DMD: variants seen among roughly 807,000 people sequenced by gnomAD.
DMD encodes mutant dystrophin.
A neutral mutation model predicts 330.1 loss-of-function variants in DMD; 63 were observed. The ratio of observed to expected loss-of-function variants is 0.19; its 90% CI spans 0.16 to 0.24. The LOEUF (loss-of-function observed/expected upper bound fraction) is 0.24. Among genes scored for constraint, DMD ranks in the 10% least tolerant of loss-of-function variants. The pLI, the probability that DMD is intolerant of heterozygous loss-of-function variation, is 1.00. For synonymous variants in DMD, 1,223 were observed against 959.8 expected (o/e 1.27, Z -5.07); for missense variants, 3,344 against 2,684.1 (o/e 1.25, Z -5.43).
chrX:31,549,038 C>A (rs143580983), intron 55 of DMD, among the ~76,000 whole-genome samples: 2,172 of 110,386 alleles, frequency 0.02, 64 homozygotes, highest in African/African-American at 0.068. Context: ...AAAATAATTT[C>A]TGGTAACATT....
At chrX:31,610,059 T>C (rs1036586767) in intron 55 of DMD, among the ~76,000 whole-genome samples, 1 of 110,001 alleles carries the variant, frequency 9.1e-6, no homozygotes, top group Non-Finnish European at 1.9e-5. Context: ...CTCCCTCTCC[T>C]TCCCATTCTC....
At position 31,266,159 on chromosome X, in the gene DMD, C is replaced by CAAAAA. The variant is rs1174153877; in HGVS notation, c.9225-5148_9225-5144dup. 3.0e-4 allele frequency among the ~76,000 whole-genome samples: 4 copies of CAAAAA among 13,325 alleles called. 1 individual carries two copies. The highest frequency in any genetic ancestry group is 1.5e-3 in the African/African-American group (4 of 2,692). The allele number at this position is 13,325 out of a possible 115,157, so 11.6% of individuals were successfully genotyped here. A position where few individuals can be genotyped will look rare whatever the true frequency, so the allele number is the denominator to read the frequency against. ...TGACTCCACACCCAATCCCGAAGGGCAAAAAAAAAAAAAAAAAAAAAAAAG... is the reference window on the plus strand; with the variant it reads ...TGACTCCACACCCAATCCCGAAGGGCAAAAAAAAAAAAAAAAAAAAAAAAAAAAAG... On this transcript the variant is annotated intron_variant, in intron 62 of 78. Transcript: ENST00000357033.
intron 65 of DMD, among the ~76,000 whole-genome samples, chrX:31,207,558 A>G (rs955565236): frequency 5.3e-5 from 6 of 112,305 alleles, no homozygotes; most frequent in Admixed American, 4.7e-4. Context: ...ATAAAAAAGA[A>G]TGAGATCATG....
At chrX:32,275,000 G>A (rs1383313613) in intron 43 of DMD, among the ~76,000 whole-genome samples, 1 of 111,434 alleles carries the variant, frequency 9.0e-6, no homozygotes, top group Non-Finnish European at 1.9e-5. Context: ...TTGCTGGGTG[G>A]AAACAAAATC....
chrX:31,340,120 T>C (rs2057645305), intron 61 of DMD, among the ~76,000 whole-genome samples: 1 of 112,415 alleles, frequency 8.9e-6, no homozygotes, highest in Non-Finnish European at 1.9e-5. Flanking sequence ...AGGCCCTATG[T>C]ATCAAGGAGA....
chrX:32,288,675 C>T (rs760993592), intron 42 of DMD, among the ~76,000 whole-genome samples: 7 of 111,827 alleles, frequency 6.3e-5, no homozygotes, highest in Non-Finnish European at 1.3e-4. Flanking sequence ...TTTCAAAAGC[C>T]TACATGAAAA....
intron 2 of DMD, among the ~76,000 whole-genome samples, chrX:32,914,089 T>C (rs1379753086): frequency 8.9e-6 from 1 of 111,767 alleles, no homozygotes; most frequent in Admixed American, 9.6e-5. Context: ...AGACAAACTG[T>C]GACAAATTAC....
At chrX:31,626,284 C>T (rs940835012) in intron 55 of DMD, among the ~76,000 whole-genome samples, 5 of 111,443 alleles carry the variant, frequency 4.5e-5, no homozygotes, top group Admixed American at 9.6e-5. Flanking sequence ...CGCATCTGGC[C>T]GGGAAACCCA....
intron 16 of DMD, among the ~76,000 whole-genome samples, chrX:32,561,542 C>T: frequency 9.0e-6 from 1 of 111,519 alleles, no homozygotes; most frequent in East Asian, 2.8e-4. Flanking sequence ...TTTGGGGAAC[C>T]TGAAAGAGAC....
chrX:31,464,912 T>G (rs1375906172), intron 59 of DMD, among the ~76,000 whole-genome samples: 1 of 112,518 alleles, frequency 8.9e-6, no homozygotes, highest in Non-Finnish European at 1.9e-5. Flanking sequence ...CTGAAACAAT[T>G]ACTCCGCTCT....
At chrX:31,681,564 C>T (rs768888234) in intron 52 of DMD, among the ~76,000 whole-genome samples, 48 of 112,309 alleles carry the variant, frequency 4.3e-4, no homozygotes, top group Middle Eastern at 4.6e-3. Context: ...CCTTCTAGGG[C>T]TCTTGGGTGC....
At chrX:33,239,834 A>G (rs1340440647) in intron 1 of DMD, among the ~76,000 whole-genome samples, 1 of 111,713 alleles carries the variant, frequency 9.0e-6, no homozygotes, top group Non-Finnish European at 1.9e-5. Flanking sequence ...AAATGCTCCA[A>G]AATCTGAAAC....
At chrX:31,246,851 G>A (rs927131317) in intron 63 of DMD, among the ~76,000 whole-genome samples, 70 of 110,368 alleles carry the variant, frequency 6.3e-4, no homozygotes, top group Non-Finnish European at 8.2e-4. Flanking sequence ...GCTTGAACCC[G>A]GGAGGTGGAG....
intron 48 of DMD, among the ~76,000 whole-genome samples, chrX:31,864,326 G>T (rs2093760049): frequency 9.1e-6 from 1 of 109,835 alleles, no homozygotes; most frequent in Admixed American, 9.7e-5. Flanking sequence ...TGAATGATCT[G>T]TTCCAGGAAT....
At chrX:32,880,316 T>C (rs2083806325) in intron 2 of DMD, among the ~76,000 whole-genome samples, 1 of 110,022 alleles carries the variant, frequency 9.1e-6, no homozygotes, top group Admixed American at 9.7e-5. Flanking sequence ...AGCTTAGTCT[T>C]CTTAGCAACT....
intron 59 of DMD, among the ~76,000 whole-genome samples, chrX:31,476,046 G>GA (rs1172428400): frequency 3.0e-4 from 32 of 108,207 alleles, no homozygotes; most frequent in Admixed American, 2.0e-4. Context: ...TTCTCTGGGA[G>GA]AAAAAAAAAT....
intron 60 of DMD, among the ~76,000 whole-genome samples, chrX:31,382,197 G>T (rs1472965155): frequency 9.0e-6 from 1 of 111,409 alleles, no homozygotes; most frequent in Non-Finnish European, 1.9e-5. Context: ...AAAAGGACTG[G>T]ACAATACTTT....
At chrX:32,138,596 C>T (rs2096738657) in intron 44 of DMD, among the ~76,000 whole-genome samples, 1 of 111,887 alleles carries the variant, frequency 8.9e-6, no homozygotes, top group African/African-American at 3.3e-5. Flanking sequence ...TCATTTGTCT[C>T]ATCAACTAGC....
chrX:32,410,345 G>T lies in DMD; in HGVS notation c.4233+1407C>A, dbSNP rs769925020. Among the ~76,000 whole-genome samples the T allele has an allele frequency of 3.6e-5, 4 of 111,214 alleles. No individual in the cohort carries two copies. In the South Asian group the frequency reaches 1.5e-3, roughly 42 times the overall value. On this transcript the variant is annotated intron_variant, in intron 30 of 78. Coordinates refer to ENST00000357033, the MANE Select transcript of DMD (RefSeq NM_004006.3). Reference sequence around the variant, plus strand: ...ACTCCATAAGGAAATAATATTCCCTGGACTTTTTAAGCCTATCAAAACTAC... The same window carrying T: ...ACTCCATAAGGAAATAATATTCCCTTGACTTTTTAAGCCTATCAAAACTAC...
Sources: allele counts gnomAD v4.1 joint callset (sites outside exome capture counted in the v4.1 genomes callset), GRCh38; gene constraint gnomAD v4.1.1; transcripts MANE v1.5; gene names NCBI Gene and HGNC (gene_info 2026-07-23, HGNC 2026-07-21).